CDC42EP5: variants seen among roughly 807,000 people sequenced by gnomAD.
CDC42EP5 encodes the protein CDC42 effector protein 5, also known as CDC42 effector protein (Rho GTPase binding) 5.
For missense variants in CDC42EP5, 269 were observed against 238.0 expected, an observed-to-expected ratio of 1.13 and a Z score of -0.86; for synonymous variants, 118 against 123.3, an observed-to-expected ratio of 0.96 and a Z score of 0.28.
chr19:54,467,324 A>G (rs1451487866), intron 2 of CDC42EP5, among the ~76,000 whole-genome samples: 2 of 150,808 alleles, frequency 1.3e-5, no homozygotes, highest in Admixed American at 6.6e-5. Flanking sequence ...GTGGTGGTGC[A>G]TGCCTGTAAT....
rs557776710 is a variant in CDC42EP5 at position 54,465,395 on chromosome 19, G to A, written c.153C>T (p.Arg51=). 14 of 1,234,428 alleles carry A rather than the reference G, an allele frequency of 1.1e-5. No individual in the cohort carries two copies. The highest frequency in any genetic ancestry group is 1.4e-5 in the Non-Finnish European group (14 of 983,988). The allele number at this position is 1,234,428 out of a possible 1,614,324, so 76.5% of individuals were successfully genotyped here. Residue 51 remains arginine, a synonymous_variant, in exon 3 of 3, where the codon CGC becomes CGT. Coordinates refer to ENST00000301200, the MANE Select transcript of CDC42EP5 (RefSeq NM_145057.4). Reference sequence around the variant, plus strand: ...GCTCGGGGGGCGGCCCGCCGCCGTGGCGGCTCAGGAACGAGGTGTCCCCGA... The same window carrying A: ...GCTCGGGGGGCGGCCCGCCGCCGTGACGGCTCAGGAACGAGGTGTCCCCGA... ...DAFGDTSFLS[R]HGGGPPPEPR...
chr19:54,473,054 GC>G lies in CDC42EP5; in HGVS notation c.-142+9del. ...CACCCCTGGCAAGCCCTGGCATAAG[GC>G]CCCTTTACCTGCACCGGGAGCTAAA... On this transcript the variant is annotated intron_variant, in intron 1 of 2. Transcript: ENST00000301200. 1 of 157,246 alleles carries G rather than the reference GC, an allele frequency of 6.4e-6. No homozygotes were observed. The allele number at this position is 157,246 out of a possible 1,614,324, so 9.7% of individuals were successfully genotyped here.
At chr19:54,466,931 A>ATT (rs2084762320) in intron 2 of CDC42EP5, among the ~76,000 whole-genome samples, 1 of 94,884 alleles carries the variant, frequency 1.1e-5, no homozygotes, top group Non-Finnish European at 2.4e-5. Flanking sequence ...ACTGTACCTG[A>ATT]TCTTTTTTTT....
chr19:54,465,464 G>C lies in CDC42EP5; in HGVS notation c.84C>G (p.Gly28=). The C allele has an allele frequency of 6.6e-7, 1 of 1,517,286 alleles. No homozygotes were observed. Among genetic ancestry groups the C allele is most frequent in the Non-Finnish European group, 8.7e-7 (1 of 1,144,378 alleles). 94.0% of individuals were successfully genotyped at this position (1,517,286 alleles called of 1,614,324 possible). Residue 28 remains glycine (G), a synonymous_variant, in exon 3 of 3, where the codon GGC becomes GGG. Transcript: ENST00000301200. ...RGALSISAPL[G]DFRHTLHVGR... ...CCACGTGCAGCGTGTGCCGGAAGTC[G>C]CCGAGCGGCGCGGAGATGGACAGGG... is the stretch of plus-strand genomic sequence containing the variant.
intron 2 of CDC42EP5, among the ~76,000 whole-genome samples, chr19:54,470,859 T>C (rs1294609303): frequency 3.3e-5 from 5 of 152,050 alleles, no homozygotes; most frequent in African/African-American, 1.2e-4. Flanking sequence ...AATAATAATG[T>C]TCTGATTTGA....
At chr19:54,468,927 C>CCTTCCTTCCTTCTT (rs1216222962) in intron 2 of CDC42EP5, among the ~76,000 whole-genome samples, 1 of 145,756 alleles carries the variant, frequency 6.9e-6, no homozygotes, top group East Asian at 2.1e-4. Context: ...TTCCTTCTTT[C>CCTTCCTTCCTTCTT]TTTCTTTTCT....
At chr19:54,468,893 T>C (rs530557740) in intron 2 of CDC42EP5, among the ~76,000 whole-genome samples, 2 of 133,414 alleles carry the variant, frequency 1.5e-5, no homozygotes, top group South Asian at 5.4e-4. Context: ...CTCTGATTCC[T>C]TCCTTCCTTC....
intron 2 of CDC42EP5, among the ~76,000 whole-genome samples, chr19:54,467,888 G>C (rs2084777414): frequency 6.6e-6 from 1 of 152,152 alleles, no homozygotes. Flanking sequence ...TGCATGTTTT[G>C]TGTGGAACTT....
chr19:54,465,108 C>G lies in CDC42EP5; in HGVS notation c.440G>C (p.Gly147Ala). The G allele has an allele frequency of 7.3e-7, 1 of 1,374,872 alleles. No homozygotes were observed. The highest frequency in any genetic ancestry group is 9.4e-7 in the Non-Finnish European group (1 of 1,067,114). The allele number at this position is 1,374,872 out of a possible 1,614,324, so 85.2% of individuals were successfully genotyped here. ...CGCGGGGAATGAGGGAACCTAGAGG[C>G]CGATGACGTCGTTCAGCTCGAGGTC... ...NADLELNDVI[G>A]L is the part of the protein sequence containing the mutation. Residue 147 changes from glycine (G) to alanine (A), a missense_variant, in exon 3 of 3, where the codon GGC becomes GCC. Coordinates refer to ENST00000301200, the MANE Select transcript of CDC42EP5 (RefSeq NM_145057.4).
At chr19:54,468,799 G>A (rs1014466426) in intron 2 of CDC42EP5, among the ~76,000 whole-genome samples, 7 of 149,006 alleles carry the variant, frequency 4.7e-5, no homozygotes, top group East Asian at 4.1e-4. Flanking sequence ...CAATCTGCCC[G>A]CCTTGGCCTC....
intron 1 of CDC42EP5, 99 bp from the exon 2 acceptor site, chr19:54,471,784 G>T: frequency 6.2e-6 from 1 of 160,730 alleles, no homozygotes. Flanking sequence ...GGTCCTAGGC[G>T]TCCTAGATCT....
chr19:54,471,198 C>G (rs988940899), intron 2 of CDC42EP5, among the ~76,000 whole-genome samples: 2 of 152,142 alleles, frequency 1.3e-5, no homozygotes, highest in African/African-American at 4.8e-5. Context: ...CGGGGAGGCC[C>G]GGGCCGCGCG....
chr19:54,469,653 G>A (rs956140501), intron 2 of CDC42EP5, among the ~76,000 whole-genome samples: 1 of 152,192 alleles, frequency 6.6e-6, no homozygotes, highest in Admixed American at 6.5e-5. Flanking sequence ...AGTGCCCAGC[G>A]CACAGGGAAT....
chr19:54,465,178 G>C lies in CDC42EP5; in HGVS notation c.370C>G (p.Arg124Gly). Residue 124 changes from arginine (R) to glycine (G), a missense_variant, in exon 3 of 3, where the codon CGC becomes GGC. Coordinates refer to ENST00000301200, the MANE Select transcript of CDC42EP5 (RefSeq NM_145057.4). ...GCCTGGGGGGGCTGCGTCCCGGGGC[G>C]GGGTTCCGCGTCGGGCTTGGCGGCA... ...AAAAKPDAEP[R>G]PGTQPPQARC... The C allele has an allele frequency of 7.0e-7, 1 of 1,422,572 alleles. No individual in the cohort carries two copies. The highest frequency in any genetic ancestry group is 9.1e-7 in the Non-Finnish European group (1 of 1,094,718). The allele number at this position is 1,422,572 out of a possible 1,614,324, so 88.1% of individuals were successfully genotyped here. A position where few individuals can be genotyped will look rare whatever the true frequency, so the allele number is the denominator to read the frequency against.
In CDC42EP5 at chr19:54,468,983, C is replaced by T. The variant is rs181834173; in HGVS notation, c.-1+2562G>A. Among the ~76,000 whole-genome samples the T allele has an allele frequency of 8.3e-5, 12 of 144,564 alleles. No individual in the cohort carries two copies. The East Asian group carries it at 2.4e-3, about 29-fold the overall frequency. 94.8% of individuals were successfully genotyped at this position (144,564 alleles called of 152,430 possible). A position where few individuals can be genotyped will look rare whatever the true frequency, so the allele number is the denominator to read the frequency against. On this transcript the variant is annotated intron_variant, in intron 2 of 2. Coordinates refer to ENST00000301200, the MANE Select transcript of CDC42EP5 (RefSeq NM_145057.4). ...TCCTTCCTTTCTTTTCTTTCTTTCT[C>T]CTTCCTTCCTTCTTTCTTTCTTTTC...
chr19:54,470,679 T>C (rs921725221), intron 2 of CDC42EP5, among the ~76,000 whole-genome samples: 1 of 152,130 alleles, frequency 6.6e-6, no homozygotes, highest in Non-Finnish European at 1.5e-5. Flanking sequence ...CTAATTTATT[T>C]AATCTTCAGG....
At position 54,473,255 on chromosome 19, in the gene CDC42EP5, C is replaced by A; in HGVS notation, c.-333G>T. 6.5e-6 allele frequency: 1 copy of A among 153,728 alleles called. No homozygotes were observed. Among genetic ancestry groups the A allele is most frequent in the Non-Finnish European group, 1.4e-5 (1 of 69,354 alleles). The allele number at this position is 153,728 out of a possible 1,614,324, so 9.5% of individuals were successfully genotyped here. A position where few individuals can be genotyped will look rare whatever the true frequency, so the allele number is the denominator to read the frequency against. On this transcript the variant is annotated 5_prime_UTR_variant, in exon 1 of 3. Coordinates refer to ENST00000301200, the MANE Select transcript of CDC42EP5 (RefSeq NM_145057.4). Reference sequence around the variant, plus strand: ...CAGTGGTGGAAAAGCTGAGGCCCCTCTGGGCGGAGTGTGGGGGCGGGAGGA... The same window carrying A: ...CAGTGGTGGAAAAGCTGAGGCCCCTATGGGCGGAGTGTGGGGGCGGGAGGA...
chr19:54,465,739 G>A (rs1392689926), intron 2 of CDC42EP5, among the ~76,000 whole-genome samples, 192 bp from the exon 3 acceptor site: 1 of 152,178 alleles, frequency 6.6e-6, no homozygotes, highest in Non-Finnish European at 1.5e-5. Context: ...GGGTTCAGGC[G>A]ATTCTTCCTC....
intron 2 of CDC42EP5, 35 bp from the exon 3 acceptor site, chr19:54,465,582 G>A: frequency 1.4e-6 from 2 of 1,425,932 alleles, no homozygotes; most frequent in Non-Finnish European, 1.8e-6. Context: ...CGCGGCCCCA[G>A]CCCGGGGCTC....
Sources: gnomAD v4.1 joint callset for allele counts (sites outside exome capture counted in the v4.1 genomes callset) on GRCh38, gnomAD v4.1.1 for gene constraint, MANE v1.5 for transcripts, NCBI Gene and HGNC (gene_info 2026-07-23, HGNC 2026-07-21) for gene names.